WWOX: variants seen among roughly 807,000 people sequenced by gnomAD.
WWOX encodes WW domain-containing oxidoreductase.
In WWOX, 69 loss-of-function variants were observed where a neutral mutation model predicts 46.2. The observed-to-expected ratio is 1.49, with a 90% confidence interval of 1.23 to 1.82. The LOEUF (loss-of-function observed/expected upper bound fraction) is 1.82. Ranked by LOEUF, WWOX falls within the 40% of genes most tolerant of loss-of-function variation. The probability of loss-of-function intolerance (pLI) is 0.00; values close to 1 mark genes in which losing one functional copy is unlikely to be tolerated. For missense variants in WWOX, 919 were observed against 542.6 expected (o/e 1.69, Z -6.89); for synonymous variants, 359 against 202.6 (o/e 1.77, Z -6.56).
chr16:79,185,360 C>A (rs1345202686), intron 8 of WWOX, among the ~76,000 whole-genome samples: 1 of 152,142 alleles, frequency 6.6e-6, no homozygotes. Context: ...CTTCTCACCT[C>A]TACTTATTTA....
At chr16:78,793,587 A>G (rs1413993982) in intron 8 of WWOX, among the ~76,000 whole-genome samples, 1 of 152,346 alleles carries the variant, frequency 6.6e-6, no homozygotes, top group East Asian at 1.9e-4. Flanking sequence ...GTAGTACATA[A>G]GAGGTAACCT....
At chr16:78,615,852 G>A (rs983989734) in intron 8 of WWOX, among the ~76,000 whole-genome samples, 13 of 151,598 alleles carry the variant, frequency 8.6e-5, no homozygotes, top group Middle Eastern at 3.4e-3. Context: ...CCGAGTTCAC[G>A]CCATTCTCCT....
At chr16:78,609,469 TA>T (rs1365465660) in intron 8 of WWOX, among the ~76,000 whole-genome samples, 1 of 149,406 alleles carries the variant, frequency 6.7e-6, no homozygotes, top group Non-Finnish European at 1.5e-5. Context: ...GCATGTGACT[TA>T]AAAAAGAAAA....
chr16:78,160,647 G>T (rs979081319), intron 4 of WWOX, among the ~76,000 whole-genome samples: 2 of 152,086 alleles, frequency 1.3e-5, no homozygotes, highest in Non-Finnish European at 2.9e-5. Context: ...TTCCATTGCG[G>T]TCAAAGAGCA....
At chr16:78,115,330 G>T (rs1427535164) in intron 4 of WWOX, among the ~76,000 whole-genome samples, 176 bp downstream of exon 4, 2 of 152,152 alleles carry the variant, frequency 1.3e-5, no homozygotes, top group East Asian at 1.9e-4. Flanking sequence ...TGTCATGGAA[G>T]CCTGTGTAGG....
At chr16:78,735,422 C>T (rs1163457913) in intron 8 of WWOX, among the ~76,000 whole-genome samples, 1 of 151,500 alleles carries the variant, frequency 6.6e-6, no homozygotes. Flanking sequence ...CACACACACA[C>T]ACACTAATAT....
At chr16:78,787,826 C>G (rs573649191) in intron 8 of WWOX, among the ~76,000 whole-genome samples, 1 of 152,246 alleles carries the variant, frequency 6.6e-6, no homozygotes, top group African/African-American at 2.4e-5. Flanking sequence ...CTTGCCAACA[C>G]TTTATTTTCT....
chr16:78,904,725 T>C (rs985808288), intron 8 of WWOX, among the ~76,000 whole-genome samples: 3 of 152,202 alleles, frequency 2.0e-5, no homozygotes, highest in African/African-American at 7.2e-5. Context: ...TGTCAAGATA[T>C]CTGGTCACCC....
At position 79,131,228 on chromosome 16, in the gene WWOX, C is replaced by G. The variant is rs536946608; in HGVS notation, c.1057-80380C>G. On this transcript the variant is annotated intron_variant, in intron 8 of 8. Transcript: ENST00000566780. ...AAGACTGCTGGTCTCTCCCTTCCTC[C>G]AGGGCCATTTGTGAGAGTGAGACAC... 5.3e-5 allele frequency among the ~76,000 whole-genome samples: 8 copies of G among 152,256 alleles called. No homozygotes were observed. In the South Asian group the frequency reaches 1.7e-3, roughly 32 times the overall value.
intron 4 of WWOX, among the ~76,000 whole-genome samples, chr16:78,119,889 T>G (rs1407646122): frequency 6.6e-6 from 1 of 152,228 alleles, no homozygotes; most frequent in Non-Finnish European, 1.5e-5. Flanking sequence ...AAAATTTTTT[T>G]CAGAGTTTGG....
At chr16:78,617,014 G>A (rs911562201) in intron 8 of WWOX, among the ~76,000 whole-genome samples, 2 of 152,186 alleles carry the variant, frequency 1.3e-5, no homozygotes, top group Non-Finnish European at 1.5e-5. Context: ...AACCCAGCGT[G>A]GTGATTTTGG....
chr16:78,558,383 A>C (rs1410503659), intron 8 of WWOX, among the ~76,000 whole-genome samples: 1 of 152,234 alleles, frequency 6.6e-6, no homozygotes, highest in Non-Finnish European at 1.5e-5. Context: ...TGAACATTTA[A>C]AACTTGGGAG....
chr16:78,293,791 C>T (rs544144773), intron 5 of WWOX, among the ~76,000 whole-genome samples: 22 of 152,040 alleles, frequency 1.4e-4, no homozygotes, highest in Non-Finnish European at 3.1e-4. Flanking sequence ...GACTGGCCAA[C>T]ATGGTGAAAC....
intron 8 of WWOX, among the ~76,000 whole-genome samples, chr16:78,929,167 T>C (rs1387103207): frequency 6.6e-6 from 1 of 152,148 alleles, no homozygotes; most frequent in East Asian, 1.9e-4. Flanking sequence ...TTGGGGGTGA[T>C]TTTCAGACCG....
chr16:78,643,226 C>T (rs1159974675), intron 8 of WWOX, among the ~76,000 whole-genome samples: 1 of 152,170 alleles, frequency 6.6e-6, no homozygotes, highest in Non-Finnish European at 1.5e-5. Flanking sequence ...AAAAAGGACA[C>T]GTATGCCTAG....
intron 8 of WWOX, among the ~76,000 whole-genome samples, chr16:78,874,148 C>G (rs573243331): frequency 1.3e-5 from 2 of 151,000 alleles, no homozygotes; most frequent in Non-Finnish European, 2.9e-5. Flanking sequence ...CCCAGCTACT[C>G]GAGTGGCTGA....
At chr16:78,973,777 G>C (rs2046517930) in intron 8 of WWOX, among the ~76,000 whole-genome samples, 1 of 152,190 alleles carries the variant, frequency 6.6e-6, no homozygotes, top group South Asian at 2.1e-4. Flanking sequence ...AATGACACAA[G>C]TTTCTGTGCT....
chr16:78,595,287 CTT>C (rs66928546), intron 8 of WWOX, among the ~76,000 whole-genome samples: 6 of 145,012 alleles, frequency 4.1e-5, no homozygotes, highest in South Asian at 2.1e-4. Flanking sequence ...CTGGAAATGT[CTT>C]TTTTTTTTTC....
At chr16:78,621,590 A>ATTTTTTTT (rs1567442936) in intron 8 of WWOX, among the ~76,000 whole-genome samples, 5 of 43,000 alleles carry the variant, frequency 1.2e-4, no homozygotes, top group Non-Finnish European at 2.0e-4. Context: ...TGTTGTTCTA[A>ATTTTTTTT]TCTTTTTTTT....
Sources: allele counts gnomAD v4.1 joint callset (sites outside exome capture counted in the v4.1 genomes callset), GRCh38; gene constraint gnomAD v4.1.1; transcripts MANE v1.5; gene names NCBI Gene and HGNC (gene_info 2026-07-23, HGNC 2026-07-21).